RAP1GDS1: variants seen among roughly 807,000 people sequenced by gnomAD.
The protein encoded by RAP1GDS1 is RAP1, GTP-GDP dissociation stimulator 1.
RAP1GDS1 carries 35 observed loss-of-function variants against 71.1 expected under a neutral mutation model. The observed-to-expected ratio is 0.49, with a 90% CI of 0.38 to 0.65. The LOEUF (loss-of-function observed/expected upper bound fraction) is 0.65. Ranked by LOEUF, RAP1GDS1 falls within the 30% of genes least tolerant of loss-of-function variation. The pLI, the probability that RAP1GDS1 is intolerant of heterozygous loss-of-function variation, is 0.00. For synonymous variants in RAP1GDS1, 229 were observed against 243.1 expected (o/e 0.94, Z 0.54); for missense variants, 663 against 706.1 (o/e 0.94, Z 0.69).
chr4:98,270,121 G>C (rs1290002210), intron 1 of RAP1GDS1, among the ~76,000 whole-genome samples: 1 of 152,060 alleles, frequency 6.6e-6, no homozygotes, highest in African/African-American at 2.4e-5. Context: ...TCACACAACA[G>C]AAAAGCAAAA....
intron 6 of RAP1GDS1, among the ~76,000 whole-genome samples, chr4:98,402,645 A>G (rs531632106): frequency 1.3e-5 from 2 of 152,306 alleles, no homozygotes; most frequent in South Asian, 2.1e-4. Context: ...GTATTTAACC[A>G]TATTAATGTG....
At position 98,272,822 on chromosome 4, in the gene RAP1GDS1, T is replaced by C. The variant is rs201659118; in HGVS notation, c.4+11253T>C. ...GTTGCCATATAAAATCCACTTCTTGTTGCACGTCACAATCTGATCGAGAAA... is the reference window on the plus strand; with the variant it reads ...GTTGCCATATAAAATCCACTTCTTGCTGCACGTCACAATCTGATCGAGAAA... On this transcript the variant is annotated intron_variant, in intron 1 of 14. Transcript: ENST00000408927. Among the ~76,000 whole-genome samples the C allele has an allele frequency of 5.9e-5, 9 of 152,296 alleles. No homozygotes were observed. In the East Asian group the frequency reaches 1.7e-3, roughly 29 times the overall value.
intron 4 of RAP1GDS1, among the ~76,000 whole-genome samples, chr4:98,365,894 A>G (rs1739416842): frequency 1.3e-5 from 2 of 152,294 alleles, no homozygotes; most frequent in South Asian, 4.1e-4. Flanking sequence ...GCAAAACCAT[A>G]TTATCATGTC....
intron 4 of RAP1GDS1, among the ~76,000 whole-genome samples, chr4:98,361,864 A>G (rs1398985383): frequency 6.6e-6 from 1 of 152,152 alleles, no homozygotes; most frequent in Non-Finnish European, 1.5e-5. Context: ...TTCTCTTTTG[A>G]TATGTGTGCA....
intron 2 of RAP1GDS1, among the ~76,000 whole-genome samples, chr4:98,301,187 T>TTA (rs1728537589): frequency 6.7e-6 from 1 of 150,240 alleles, no homozygotes; most frequent in Non-Finnish European, 1.5e-5. Context: ...ATTATTATTA[T>TTA]TTTTTTTTAC....
chr4:98,306,221 T>C (rs1729306870), intron 2 of RAP1GDS1, among the ~76,000 whole-genome samples: 1 of 152,196 alleles, frequency 6.6e-6, no homozygotes, highest in South Asian at 2.1e-4. Context: ...ACACACCGGC[T>C]ATATTACAAA....
At chr4:98,315,596 T>C (rs1376827430) in intron 2 of RAP1GDS1, among the ~76,000 whole-genome samples, 1 of 152,088 alleles carries the variant, frequency 6.6e-6, no homozygotes, top group Non-Finnish European at 1.5e-5. Context: ...GTAAAGAATC[T>C]AGTCCATTAA....
intron 1 of RAP1GDS1, among the ~76,000 whole-genome samples, chr4:98,276,082 T>A (rs1050991530): frequency 6.6e-6 from 1 of 152,118 alleles, no homozygotes; most frequent in Non-Finnish European, 1.5e-5. Context: ...AAGTTCAAGA[T>A]CAAGGTGCTG....
intron 1 of RAP1GDS1, among the ~76,000 whole-genome samples, chr4:98,265,320 T>G (rs1722578172): frequency 6.6e-6 from 1 of 152,174 alleles, no homozygotes. Context: ...ACATATTCAG[T>G]TAACAGGAAG....
At chr4:98,280,314 G>A (rs1242219313) in intron 1 of RAP1GDS1, among the ~76,000 whole-genome samples, 2 of 152,190 alleles carry the variant, frequency 1.3e-5, no homozygotes, top group Non-Finnish European at 2.9e-5. Context: ...ACTGGTGTGA[G>A]ATGGTATCTC....
chr4:98,406,366 G>A (rs889568798), intron 7 of RAP1GDS1, among the ~76,000 whole-genome samples: 2 of 151,888 alleles, frequency 1.3e-5, no homozygotes, highest in Non-Finnish European at 2.9e-5. Flanking sequence ...ATATACCAGT[G>A]AAACCTAAGG....
intron 14 of RAP1GDS1, among the ~76,000 whole-genome samples, chr4:98,437,634 AAC>A (rs764381903): frequency 2.6e-5 from 4 of 152,000 alleles, no homozygotes; most frequent in Non-Finnish European, 5.9e-5. Flanking sequence ...CTCTACTAAA[AAC>A]ACAAAAATTA....
intron 1 of RAP1GDS1, among the ~76,000 whole-genome samples, chr4:98,262,403 A>T (rs1722145349): frequency 6.6e-6 from 1 of 152,142 alleles, no homozygotes; most frequent in Non-Finnish European, 1.5e-5. Context: ...ATCTGAAGAG[A>T]TTGGTTTGGA....
intron 11 of RAP1GDS1, 130 bp from the exon 12 acceptor site, chr4:98,421,125 C>T: frequency 1.0e-6 from 1 of 996,428 alleles, no homozygotes; most frequent in South Asian, 2.6e-5. Context: ...GGAATATTTG[C>T]AGTTCTAGCT....
intron 4 of RAP1GDS1, among the ~76,000 whole-genome samples, chr4:98,366,981 T>C (rs1739590682): frequency 6.6e-6 from 1 of 152,220 alleles, no homozygotes; most frequent in African/African-American, 2.4e-5. Flanking sequence ...TGCAGAAATC[T>C]GCGTAAGGAG....
intron 1 of RAP1GDS1, among the ~76,000 whole-genome samples, chr4:98,276,589 TG>T (rs1272907873): frequency 1.3e-5 from 2 of 152,154 alleles, no homozygotes; most frequent in Non-Finnish European, 2.9e-5. Context: ...TCTTTCATTT[TG>T]TTACTTTGAA....
chr4:98,407,447 A>G (rs1746295298), intron 7 of RAP1GDS1, among the ~76,000 whole-genome samples: 1 of 151,742 alleles, frequency 6.6e-6, no homozygotes, highest in African/African-American at 2.4e-5. Flanking sequence ...GGATGAGTGG[A>G]TAAAGAAAAT....
At chr4:98,353,375 G>A (rs1042928887) in intron 4 of RAP1GDS1, among the ~76,000 whole-genome samples, 8 of 152,002 alleles carry the variant, frequency 5.3e-5, no homozygotes, top group Non-Finnish European at 1.0e-4. Context: ...ATAACTTTTA[G>A]TGCTTATTTT....
chr4:98,341,662 A>G (rs1735522759), intron 2 of RAP1GDS1, among the ~76,000 whole-genome samples: 2 of 152,158 alleles, frequency 1.3e-5, no homozygotes, highest in Non-Finnish European at 1.5e-5. Context: ...TGGTCAGAAA[A>G]GGAAAGATTT....
Sources: allele counts gnomAD v4.1 joint callset (sites outside exome capture counted in the v4.1 genomes callset), GRCh38; gene constraint gnomAD v4.1.1; transcripts MANE v1.5; gene names NCBI Gene and HGNC (gene_info 2026-07-23, HGNC 2026-07-21).